ESRRB: variants seen among roughly 807,000 people sequenced by gnomAD.
ESRRB encodes estrogen related receptor beta.
ESRRB carries 16 observed loss-of-function variants against 46.0 expected under a neutral mutation model. The ratio of observed to expected loss-of-function variants is 0.35; its 90% CI spans 0.24 to 0.53. The LOEUF (loss-of-function observed/expected upper bound fraction) is 0.53. ESRRB is among the 20% of genes least tolerant of loss of function. The probability of loss-of-function intolerance (pLI) is 0.93; values close to 1 mark genes in which losing one functional copy is unlikely to be tolerated. For synonymous variants in ESRRB, 246 were observed against 259.6 expected, an observed-to-expected ratio of 0.95 and a Z score of 0.50; for missense variants, 488 against 607.4, an observed-to-expected ratio of 0.80 and a Z score of 2.07.
At chr14:76,387,937 G>A (rs2139813539) in intron 1 of ESRRB, among the ~76,000 whole-genome samples, 1 of 152,266 alleles carries the variant, frequency 6.6e-6, no homozygotes, top group East Asian at 1.9e-4. Flanking sequence ...TTTGTCCTAA[G>A]AATATTTCAT....
At chr14:76,458,263 C>G (rs556320341) in intron 2 of ESRRB, among the ~76,000 whole-genome samples, 2 of 152,174 alleles carry the variant, frequency 1.3e-5, no homozygotes, top group East Asian at 3.9e-4. Context: ...CCTCAAGAGA[C>G]CACAGGAATT....
At chr14:76,456,079 A>ACACAC (rs1566908058) in intron 2 of ESRRB, among the ~76,000 whole-genome samples, 1 of 122,398 alleles carries the variant, frequency 8.2e-6, no homozygotes, top group African/African-American at 3.5e-5. Flanking sequence ...CACACACACA[A>ACACAC]AAGAAAGAAA....
In ESRRB at chr14:76,347,841, A is replaced by C. The variant is rs530616611; in HGVS notation, c.2+36925A>C. 1.8e-4 allele frequency among the ~76,000 whole-genome samples: 6 copies of C among 32,990 alleles called. 1 individual carries two copies. Among genetic ancestry groups the C allele is most frequent in the Non-Finnish European group, 4.2e-4 (6 of 14,216 alleles). The allele number at this position is 32,990 out of a possible 152,430, so 21.6% of individuals were successfully genotyped here. A position where few individuals can be genotyped will look rare whatever the true frequency, so the allele number is the denominator to read the frequency against. ...ACCAGTCAGATCACCAATGGGCAGC[A>C]GCCACTTCCTTTCTCCTACCTGAGG... On this transcript the variant is annotated intron_variant, in intron 1 of 6. Transcript: ENST00000512784.
At chr14:76,421,694 G>T (rs908392651) in intron 1 of ESRRB, among the ~76,000 whole-genome samples, 1 of 152,190 alleles carries the variant, frequency 6.6e-6, no homozygotes, top group African/African-American at 2.4e-5. Flanking sequence ...TCCCTGGAGG[G>T]CACAGGCTAG....
chr14:76,439,716 G>T lies in ESRRB; in HGVS notation c.426G>T (p.Glu142Asp). 1 of 1,614,066 alleles carries T rather than the reference G, an allele frequency of 6.2e-7. No homozygotes were observed. The highest frequency in any genetic ancestry group is 8.5e-7 in the Non-Finnish European group (1 of 1,179,892). Residue 142 changes from glutamate to aspartate, a missense_variant, in exon 2 of 7, where the codon GAG becomes GAT. Transcript: ENST00000644823. The part of the protein sequence containing the change: ...SGYHYGVASC[E>D]ACKAFFKRTI... ...ACCACTACGGCGTGGCCTCCTGCGA[G>T]GCTTGCAAGGCCTTCTTCAAGAGGA...
chr14:76,434,123 G>A (rs528898285), intron 1 of ESRRB, among the ~76,000 whole-genome samples: 44 of 152,180 alleles, frequency 2.9e-4, no homozygotes, highest in Non-Finnish European at 4.6e-4. Flanking sequence ...CATGCCTGGC[G>A]TGAGCCACTG....
intron 1 of ESRRB, among the ~76,000 whole-genome samples, chr14:76,387,710 G>A (rs915044322): frequency 3.9e-5 from 6 of 152,184 alleles, no homozygotes; most frequent in South Asian, 2.1e-4. Flanking sequence ...TGCAGAAGCC[G>A]TGCAGCCAGC....
At chr14:76,440,845 C>G (rs1481944454) in intron 2 of ESRRB, among the ~76,000 whole-genome samples, 1 of 152,042 alleles carries the variant, frequency 6.6e-6, no homozygotes, top group African/African-American at 2.4e-5. Context: ...CTAGCCTGGC[C>G]AACATGGTGA....
chr14:76,397,873 G>A (rs550990930), intron 1 of ESRRB, among the ~76,000 whole-genome samples: 8 of 152,374 alleles, frequency 5.3e-5, no homozygotes, highest in African/African-American at 1.7e-4. Flanking sequence ...CAGGAGGTAT[G>A]TGCATGCAAA....
At chr14:76,467,500 C>CAAAAA (rs397709875) in intron 3 of ESRRB, among the ~76,000 whole-genome samples, 1 of 91,734 alleles carries the variant, frequency 1.1e-5, no homozygotes, top group East Asian at 4.0e-4. Flanking sequence ...GCCTCTGTCT[C>CAAAAA]AAAAAAAAAA....
intron 1 of ESRRB, among the ~76,000 whole-genome samples, chr14:76,408,387 T>C (rs964144002): frequency 1.3e-5 from 2 of 151,980 alleles, no homozygotes; most frequent in Non-Finnish European, 2.9e-5. Context: ...GAGACCAGCC[T>C]AAGCAACATG....
intron 3 of ESRRB, among the ~76,000 whole-genome samples, chr14:76,465,424 G>A (rs1375936251): frequency 6.6e-6 from 1 of 152,204 alleles, no homozygotes; most frequent in Non-Finnish European, 1.5e-5. Flanking sequence ...AGATGGTGAA[G>A]GGGTGCACTG....
chr14:76,493,213 G>C (rs975024356), intron 6 of ESRRB, among the ~76,000 whole-genome samples: 1 of 152,116 alleles, frequency 6.6e-6, no homozygotes, highest in Admixed American at 6.6e-5. Flanking sequence ...GGCGTGCAGC[G>C]ATGCAATCTC....
At chr14:76,377,909 A>C (rs749820348) in intron 1 of ESRRB, among the ~76,000 whole-genome samples, 1 of 152,148 alleles carries the variant, frequency 6.6e-6, no homozygotes, top group Non-Finnish European at 1.5e-5. Context: ...ATGCCACCAG[A>C]ATGTCGGCAG....
intron 3 of ESRRB, among the ~76,000 whole-genome samples, chr14:76,473,860 G>A (rs1889468955): frequency 6.6e-6 from 1 of 152,212 alleles, no homozygotes. Flanking sequence ...CAGAGGGGGA[G>A]CCCCGCTCCC....
chr14:76,473,838 TG>T (rs375618981), intron 3 of ESRRB, among the ~76,000 whole-genome samples: 1 of 152,354 alleles, frequency 6.6e-6, no homozygotes, highest in South Asian at 2.1e-4. Flanking sequence ...TGCAGTGGAT[TG>T]GAGAGGCCAG....
intron 1 of ESRRB, among the ~76,000 whole-genome samples, chr14:76,358,319 AAAAAAAAG>A (rs1884409446): frequency 1.2e-4 from 10 of 80,042 alleles, no homozygotes; most frequent in East Asian, 2.8e-4. Context: ...CTCAAAAAAA[AAAAAAAAG>A]AAAGAAAGAA....
intron 1 of ESRRB, among the ~76,000 whole-genome samples, chr14:76,334,610 G>A (rs1162632610): frequency 3.9e-5 from 6 of 152,224 alleles, no homozygotes; most frequent in Non-Finnish European, 7.3e-5. Context: ...CAGCAAGGCA[G>A]CCCCTGCTGG....
At chr14:76,341,029 G>A (rs911075005) in intron 1 of ESRRB, among the ~76,000 whole-genome samples, 9 of 152,150 alleles carry the variant, frequency 5.9e-5, no homozygotes, top group African/African-American at 2.2e-4. Context: ...GCCTGCCCCT[G>A]CACCCAAGTA....
Sources: allele counts gnomAD v4.1 joint callset (sites outside exome capture counted in the v4.1 genomes callset), GRCh38; gene constraint gnomAD v4.1.1; transcripts MANE v1.5; gene names NCBI Gene and HGNC (gene_info 2026-07-23, HGNC 2026-07-21).